ENTREP2: variants seen among roughly 807,000 people sequenced by gnomAD.
The protein encoded by ENTREP2 is endosomal transmembrane epsin interactor 2.
chr15:29,305,455 C>T, the ENTREP2 span, among the ~76,000 whole-genome samples: 1 of 152,152 alleles, frequency 6.6e-6, no homozygotes, highest in African/African-American at 2.4e-5. Context: ...TGCCTTGGTC[C>T]AGCAAGAGAT....
chr15:29,534,956 A>G, the ENTREP2 span, among the ~76,000 whole-genome samples: 2 of 152,248 alleles, frequency 1.3e-5, no homozygotes, highest in African/African-American at 4.8e-5. Context: ...CCTTAAAAAT[A>G]AAGCTGGGGC....
chr15:29,472,213 G>A, the ENTREP2 span, among the ~76,000 whole-genome samples: 1 of 152,042 alleles, frequency 6.6e-6, no homozygotes, highest in Non-Finnish European at 1.5e-5. Context: ...CTCTGGGGAC[G>A]CTTAAATGCT....
the ENTREP2 span, among the ~76,000 whole-genome samples, chr15:29,371,580 T>G: frequency 6.6e-6 from 1 of 152,138 alleles, no homozygotes. Context: ...GAATTCTAAT[T>G]AATATACTTG....
the ENTREP2 span, among the ~76,000 whole-genome samples, chr15:29,603,880 C>T: frequency 2.0e-5 from 3 of 152,142 alleles, no homozygotes; most frequent in African/African-American, 7.2e-5. Context: ...CTCAGGTGAT[C>T]CGCCTGCCTT....
the ENTREP2 span, among the ~76,000 whole-genome samples, chr15:29,563,222 T>C: frequency 6.6e-6 from 1 of 152,228 alleles, no homozygotes; most frequent in Non-Finnish European, 1.5e-5. Context: ...TTTCTTGCAT[T>C]ATAGTTCTAA....
At chr15:29,655,951 G>A in the ENTREP2 span, among the ~76,000 whole-genome samples, 6 of 151,242 alleles carry the variant, frequency 4.0e-5, no homozygotes, top group Non-Finnish European at 8.8e-5. Context: ...CTTGAATCTG[G>A]GAAGCGGAGG....
chr15:29,447,701 G>A, the ENTREP2 span, among the ~76,000 whole-genome samples: 26 of 149,664 alleles, frequency 1.7e-4, no homozygotes, highest in African/African-American at 6.1e-4. Context: ...TGTTGCCCAA[G>A]CTGGTCTCGA....
chr15:29,166,717 A>G, the ENTREP2 span, among the ~76,000 whole-genome samples: 1 of 152,334 alleles, frequency 6.6e-6, no homozygotes, highest in East Asian at 1.9e-4. Context: ...AATGGGTAGA[A>G]TCAATACTGT....
chr15:29,352,531 C>T, the ENTREP2 span, among the ~76,000 whole-genome samples: 230 of 152,256 alleles, frequency 1.5e-3, 2 homozygotes, highest in African/African-American at 5.3e-3. Context: ...TCTCATTCCC[C>T]GGCTGCCTCC....
At chr15:29,614,896 T>G in the ENTREP2 span, among the ~76,000 whole-genome samples, 1 of 152,130 alleles carries the variant, frequency 6.6e-6, no homozygotes, top group Admixed American at 6.5e-5. Flanking sequence ...GTCTCTATTT[T>G]TTTTTTAAGT....
At chr15:29,267,012 G>A in the ENTREP2 span, 2 of 152,320 alleles carry the variant, frequency 1.3e-5, no homozygotes, top group African/African-American at 4.8e-5. Flanking sequence ...GAGGTAAGGG[G>A]ACCAGGAGGC....
chr15:29,422,926 G>A, the ENTREP2 span, among the ~76,000 whole-genome samples: 3 of 152,206 alleles, frequency 2.0e-5, no homozygotes, highest in Admixed American at 6.5e-5. Flanking sequence ...AGGGGATCAA[G>A]ATGGAATCTG....
the ENTREP2 span, among the ~76,000 whole-genome samples, chr15:29,411,743 C>T: frequency 6.6e-6 from 1 of 152,198 alleles, no homozygotes; most frequent in African/African-American, 2.4e-5. Flanking sequence ...AAATTTCTTA[C>T]ATCTTACATT....
the ENTREP2 span, among the ~76,000 whole-genome samples, chr15:29,134,035 C>T: frequency 6.6e-6 from 1 of 152,146 alleles, no homozygotes; most frequent in Non-Finnish European, 1.5e-5. Flanking sequence ...CCTGACCTCC[C>T]AGACCTTCCA....
chr15:29,666,913 T>C, the ENTREP2 span, among the ~76,000 whole-genome samples: 2 of 152,230 alleles, frequency 1.3e-5, no homozygotes, highest in Non-Finnish European at 2.9e-5. Context: ...ATCTTACTTA[T>C]CTTTCTCAGC....
At chr15:29,377,863 A>AATAATAATAATT in the ENTREP2 span, among the ~76,000 whole-genome samples, 17 of 92,132 alleles carry the variant, frequency 1.8e-4, no homozygotes, top group South Asian at 4.3e-4. Flanking sequence ...TAATAATAAT[A>AATAATAATAATT]AAAAAATGAG....
chr15:29,440,999 G>A, the ENTREP2 span, among the ~76,000 whole-genome samples: 6 of 152,208 alleles, frequency 3.9e-5, no homozygotes, highest in Non-Finnish European at 5.9e-5. Flanking sequence ...AAAGAAGGGA[G>A]AGGCATGTGT....
the ENTREP2 span, chr15:29,268,747 T>C: frequency 6.5e-7 from 1 of 1,548,446 alleles, no homozygotes; most frequent in Non-Finnish European, 8.7e-7. Flanking sequence ...ACTGTGCCTT[T>C]GGGTCTCAGA....
At chr15:29,188,873 A>G in the ENTREP2 span, among the ~76,000 whole-genome samples, 1 of 152,200 alleles carries the variant, frequency 6.6e-6, no homozygotes, top group Non-Finnish European at 1.5e-5. Context: ...CTTAAATAAA[A>G]GTCCCTGAAC....
Sources: gnomAD v4.1 joint callset for allele counts (sites outside exome capture counted in the v4.1 genomes callset) on GRCh38, gnomAD v4.1.1 for gene constraint, MANE v1.5 for transcripts, NCBI Gene and HGNC (gene_info 2026-07-23, HGNC 2026-07-21) for gene names.